The following STOX1 variants were observed in gnomAD, a reference collection of about 807,000 sequenced individuals.
The protein encoded by STOX1 is storkhead-box protein 1.
A neutral mutation model predicts 74.8 loss-of-function variants in STOX1; 57 were observed. That is an observed-to-expected ratio of 0.76 (90% confidence interval 0.62 to 0.95). STOX1 has a LOEUF of 0.95. Among genes scored for constraint, STOX1 ranks in the 40% least tolerant of loss-of-function variants. The pLI, the probability that STOX1 is intolerant of heterozygous loss-of-function variation, is 0.00. For missense variants in STOX1, 1,010 were observed against 1,117.0 expected (o/e 0.90, Z 1.37); for synonymous variants, 375 against 401.3 (o/e 0.93, Z 0.78).
chr10:68,888,247 C>T (rs1275277729), intron 3 of STOX1, among the ~76,000 whole-genome samples: 1 of 151,876 alleles, frequency 6.6e-6, no homozygotes, highest in Non-Finnish European at 1.5e-5. Flanking sequence ...ATTACAGGTG[C>T]CCGCCACCAC....
chr10:68,879,685 A>G (rs1453816224), intron 1 of STOX1, among the ~76,000 whole-genome samples: 1 of 152,118 alleles, frequency 6.6e-6, no homozygotes, highest in Non-Finnish European at 1.5e-5. Context: ...ATTCACCATC[A>G]GATTTTGCAT....
At chr10:68,861,457 C>T (rs1020106324) in intron 1 of STOX1, among the ~76,000 whole-genome samples, 3 of 152,094 alleles carry the variant, frequency 2.0e-5, no homozygotes, top group African/African-American at 7.3e-5. Context: ...TTCCGGTAAA[C>T]CAGCAACCTC....
chr10:68,892,862 C>A lies in STOX1; in HGVS notation c.*126C>A. The A allele has an allele frequency of 9.3e-7, 1 of 1,074,880 alleles. No homozygotes were observed. Among genetic ancestry groups the A allele is most frequent in the South Asian group, 1.5e-5 (1 of 65,428 alleles). 66.6% of individuals were successfully genotyped at this position (1,074,880 alleles called of 1,614,324 possible). On this transcript the variant is annotated 3_prime_UTR_variant, in exon 4 of 4. Transcript: ENST00000298596. ...GCAAGCATATCTATACTATTAACCA[C>A]ATTACACATTTTGTTCTAATTACTG... is the stretch of plus-strand genomic sequence containing the variant.
chr10:68,848,065 C>CTCCA (rs774472689), intron 1 of STOX1, among the ~76,000 whole-genome samples: 1 of 152,198 alleles, frequency 6.6e-6, no homozygotes, highest in Non-Finnish European at 1.5e-5. Context: ...CTTCTCCTGC[C>CTCCA]TCCATCTTGC....
intron 3 of STOX1, among the ~76,000 whole-genome samples, chr10:68,890,724 C>T (rs953438637): frequency 3.4e-5 from 5 of 148,232 alleles, no homozygotes; most frequent in Non-Finnish European, 7.4e-5. Flanking sequence ...AATCTCAGCT[C>T]ACTGCAACCT....
At chr10:68,880,637 GTGCT>G (rs1455472879) in intron 1 of STOX1, among the ~76,000 whole-genome samples, 1 of 151,338 alleles carries the variant, frequency 6.6e-6, no homozygotes, top group Admixed American at 6.6e-5. Flanking sequence ...CAAGAGGTAT[GTGCT>G]CTTTTGTGGG....
intron 1 of STOX1, among the ~76,000 whole-genome samples, chr10:68,868,501 C>T (rs560017344): frequency 6.6e-6 from 1 of 152,264 alleles, no homozygotes; most frequent in Non-Finnish European, 1.5e-5. Context: ...CAGCAACCTC[C>T]AGCGTGAGCA....
intron 1 of STOX1, among the ~76,000 whole-genome samples, chr10:68,865,544 G>T (rs2133569077): frequency 6.6e-6 from 1 of 152,314 alleles, no homozygotes; most frequent in African/African-American, 2.4e-5. Flanking sequence ...AGCTACTCGG[G>T]AGGTTGAGGC....
chr10:68,884,812 C>T lies in STOX1; in HGVS notation c.1016C>T (p.Pro339Leu), dbSNP rs746745734. 2 of 1,614,150 alleles carry T rather than the reference C, an allele frequency of 1.2e-6. No individual in the cohort carries two copies. The highest frequency in any genetic ancestry group is 1.1e-5 in the South Asian group (1 of 91,080). Residue 339 changes from proline (P) to leucine (L), a missense_variant, in exon 3 of 4, where the codon CCT becomes CTT. Transcript: ENST00000298596. The part of the protein sequence containing the change: ...EHSSFSAQFP[P>L]EEWPVRDEDD... ...AGCAGTTTCTCTGCTCAGTTCCCAC[C>T]TGAAGAATGGCCCGTCCGAGATGAA...
intron 1 of STOX1, among the ~76,000 whole-genome samples, chr10:68,858,800 T>C (rs1840190129): frequency 1.3e-5 from 2 of 152,102 alleles, no homozygotes; most frequent in Admixed American, 1.3e-4. Flanking sequence ...TCTGGGCCAC[T>C]TGAGCCCCTC....
intron 1 of STOX1, among the ~76,000 whole-genome samples, chr10:68,866,888 T>G (rs1188874251): frequency 2.0e-5 from 3 of 151,626 alleles, no homozygotes; most frequent in Non-Finnish European, 4.4e-5. Context: ...TTTCCCGAAA[T>G]CGGGTTTCCG....
Position 68,892,825 on chromosome 10 carries a change from A to T in STOX1, c.*89A>T. The stretch of plus-strand genomic sequence containing the variant: ...ATCATGTAAGAATTGAGTATATAAG[A>T]ATTGTCTAAAGGCAAGCATATCTAT... On this transcript the variant is annotated 3_prime_UTR_variant, in exon 4 of 4. Coordinates refer to ENST00000298596, the MANE Select transcript of STOX1 (RefSeq NM_152709.5). 7.1e-7 allele frequency: 1 copy of T among 1,415,844 alleles called. No individual in the cohort carries two copies. The highest frequency in any genetic ancestry group is 1.2e-5 in the South Asian group (1 of 81,616). 87.7% of individuals were successfully genotyped at this position (1,415,844 alleles called of 1,614,324 possible).
chr10:68,873,257 A>T (rs1261544735), intron 1 of STOX1, among the ~76,000 whole-genome samples: 19 of 105,284 alleles, frequency 1.8e-4, no homozygotes, highest in Admixed American at 3.2e-4. Context: ...AAACAAGAGC[A>T]TTTTTTTTTT....
At chr10:68,894,061 T>G (rs1589241608), downstream of STOX1, among the ~76,000 whole-genome samples, 1 of 149,968 alleles carries the variant, frequency 6.7e-6, no homozygotes, top group African/African-American at 2.5e-5. Context: ...ATGTCTTTTC[T>G]TTTCTTTTTT....
Position 68,892,767 on chromosome 10 carries a change from TA to T in STOX1, c.*36del, listed in dbSNP as rs1168049189. Reference sequence around the variant, plus strand: ...TTTTGGAAACCTACTTTTTTCTTTATAAAAAGGTAGAGCATTATTACAGAAT... The same window carrying T: ...TTTTGGAAACCTACTTTTTTCTTTATAAAAGGTAGAGCATTATTACAGAAT... On this transcript the variant is annotated 3_prime_UTR_variant, in exon 4 of 4. Transcript: ENST00000298596. The T allele has an allele frequency of 1.9e-6, 3 of 1,603,124 alleles. No individual in the cohort carries two copies. The highest frequency in any genetic ancestry group is 2.2e-5 in the South Asian group (2 of 90,628).
chr10:68,849,161 GACT>G, intron 1 of STOX1, among the ~76,000 whole-genome samples: 1 of 152,128 alleles, frequency 6.6e-6, no homozygotes, highest in East Asian at 1.9e-4. Flanking sequence ...TCTGAATTAG[GACT>G]ACATTCTTGT....
intron 1 of STOX1, among the ~76,000 whole-genome samples, chr10:68,844,339 C>T (rs1839779486): frequency 7.3e-6 from 1 of 136,106 alleles, no homozygotes; most frequent in Non-Finnish European, 1.5e-5. Context: ...ACCCTTGTCA[C>T]CCACACTGGA....
chr10:68,872,342 CTTTTTTT>C lies in STOX1; in HGVS notation c.311-9602_311-9596del, dbSNP rs72451894. 7.8e-5 allele frequency among the ~76,000 whole-genome samples: 7 copies of C among 89,326 alleles called. No homozygotes were observed. In the South Asian group the frequency reaches 1.8e-3, roughly 23 times the overall value. The allele number at this position is 89,326 out of a possible 152,430, so 58.6% of individuals were successfully genotyped here. A position where few individuals can be genotyped will look rare whatever the true frequency, so the allele number is the denominator to read the frequency against. On this transcript the variant is annotated intron_variant, in intron 1 of 3. Coordinates refer to ENST00000298596, the MANE Select transcript of STOX1 (RefSeq NM_152709.5). ...GGGATTAGTTTTTTCTTTTTCTTTT[CTTTTTTT>C]TTTTTTTTTTTTTGAGACAGAGTTT...
intron 1 of STOX1, among the ~76,000 whole-genome samples, chr10:68,836,206 G>GT (rs1204978279): frequency 1.3e-5 from 2 of 152,194 alleles, no homozygotes; most frequent in Non-Finnish European, 2.9e-5. Context: ...TTTATTAGCT[G>GT]TATGTCCTTG....
Sources: gnomAD v4.1 joint callset for allele counts (sites outside exome capture counted in the v4.1 genomes callset) on GRCh38, gnomAD v4.1.1 for gene constraint, MANE v1.5 for transcripts, NCBI Gene and HGNC (gene_info 2026-07-23, HGNC 2026-07-21) for gene names.